TRHDE: variants seen among roughly 807,000 people sequenced by gnomAD.
The protein encoded by TRHDE is thyrotropin-releasing hormone-degrading ectoenzyme.
Under a neutral mutation model 125.7 loss-of-function variants are expected in TRHDE, and 72 were observed. The ratio of observed to expected loss-of-function variants is 0.57; its 90% CI spans 0.47 to 0.70. The LOEUF (loss-of-function observed/expected upper bound fraction) is 0.70. Ranked by LOEUF, TRHDE falls within the 30% of genes least tolerant of loss-of-function variation. TRHDE has a pLI of 0.00. For synonymous variants in TRHDE, 509 were observed against 509.1 expected, an observed-to-expected ratio of 1.00 and a Z score of 0.00; for missense variants, 1,110 against 1,327.1, an observed-to-expected ratio of 0.84 and a Z score of 2.54.
intron 2 of TRHDE, among the ~76,000 whole-genome samples, chr12:72,318,032 T>TA (rs2135706926): frequency 6.6e-6 from 1 of 152,272 alleles, no homozygotes; most frequent in African/African-American, 2.4e-5. Flanking sequence ...ATAAGAGAAT[T>TA]ATGACTAGAG....
chr12:72,178,911 C>T (rs1432785063), intron 2 of TRHDE, among the ~76,000 whole-genome samples: 1 of 152,024 alleles, frequency 6.6e-6, no homozygotes, highest in Non-Finnish European at 1.5e-5. Flanking sequence ...TCTGAGATTA[C>T]TTCTCATGAG....
At chr12:72,335,116 G>A in intron 2 of TRHDE, among the ~76,000 whole-genome samples, 1 of 152,112 alleles carries the variant, frequency 6.6e-6, no homozygotes, top group South Asian at 2.1e-4. Context: ...GGGTGACTAT[G>A]CCCTGCTTCT....
intron 6 of TRHDE, among the ~76,000 whole-genome samples, chr12:72,506,923 G>T (rs1490653294): frequency 6.6e-6 from 1 of 152,160 alleles, no homozygotes; most frequent in Non-Finnish European, 1.5e-5. Flanking sequence ...CTGGTGGGAG[G>T]TGATTGGATC....
At chr12:72,423,360 C>T (rs1323982767) in intron 3 of TRHDE, among the ~76,000 whole-genome samples, 1 of 152,178 alleles carries the variant, frequency 6.6e-6, no homozygotes, top group African/African-American at 2.4e-5. Context: ...TTACCTTCCT[C>T]TTTACATAGG....
intron 12 of TRHDE, among the ~76,000 whole-genome samples, chr12:72,578,099 C>A (rs11179259): frequency 0.27 from 40,476 of 151,872 alleles, 8,131 homozygotes; most frequent in African/African-American, 0.54. Context: ...ACACATCGTG[C>A]ACTCTTTGGC....
chr12:72,280,397 C>T (rs576656970), intron 1 of TRHDE, among the ~76,000 whole-genome samples: 1 of 152,260 alleles, frequency 6.6e-6, no homozygotes, highest in African/African-American at 2.4e-5. Context: ...GTAGGACCAA[C>T]GTTCTTGCTT....
At chr12:72,445,067 T>TC (rs1875210591) in intron 3 of TRHDE, among the ~76,000 whole-genome samples, 1 of 151,862 alleles carries the variant, frequency 6.6e-6, no homozygotes, top group African/African-American at 2.4e-5. Context: ...TTCTAAGACG[T>TC]CTTAACAAGT....
chr12:72,146,262 G>T (rs923693289), intron 2 of TRHDE, among the ~76,000 whole-genome samples: 1 of 152,106 alleles, frequency 6.6e-6, no homozygotes, highest in Non-Finnish European at 1.5e-5. Context: ...ATCCTTGTCC[G>T]TGTTTCCTCA....
chr12:72,211,050 G>C (rs947110970), intron 2 of TRHDE, among the ~76,000 whole-genome samples: 23 of 152,294 alleles, frequency 1.5e-4, no homozygotes, highest in African/African-American at 5.5e-4. Context: ...CCTGACTCCT[G>C]TATTTGTTTC....
intron 2 of TRHDE, among the ~76,000 whole-genome samples, chr12:72,205,332 GT>G (rs35613758): frequency 1.3e-3 from 174 of 138,620 alleles, no homozygotes; most frequent in Middle Eastern, 3.6e-3. Context: ...CCAAAGCACT[GT>G]TTTTTTTTTT....
intron 2 of TRHDE, among the ~76,000 whole-genome samples, chr12:72,356,799 T>G (rs1406544217): frequency 1.3e-5 from 2 of 151,358 alleles, no homozygotes; most frequent in Non-Finnish European, 3.0e-5. Flanking sequence ...GCAGGATAAG[T>G]AAAACAAAGC....
At chr12:72,391,389 T>C (rs2135791308) in intron 3 of TRHDE, among the ~76,000 whole-genome samples, 1 of 152,318 alleles carries the variant, frequency 6.6e-6, no homozygotes, top group South Asian at 2.1e-4. Flanking sequence ...AGGGCATCGC[T>C]GAAGCTTTTT....
At chr12:72,263,968 C>T (rs1879009976) in intron 2 of TRHDE, 1 of 151,952 alleles carries the variant, frequency 6.6e-6, no homozygotes, top group South Asian at 2.1e-4. Flanking sequence ...AACACTTACA[C>T]ATTCAAAGTG....
At chr12:72,444,081 CA>C (rs1296777894) in intron 3 of TRHDE, among the ~76,000 whole-genome samples, 1 of 151,738 alleles carries the variant, frequency 6.6e-6, no homozygotes, top group Non-Finnish European at 1.5e-5. Context: ...ATAAAGAAAC[CA>C]AAATGCCTTG....
chr12:72,501,684 T>C (rs1878161932), intron 6 of TRHDE, among the ~76,000 whole-genome samples: 1 of 152,086 alleles, frequency 6.6e-6, no homozygotes, highest in African/African-American at 2.4e-5. Flanking sequence ...TTGTTGTCAC[T>C]ATAGTGCTAG....
At chr12:72,321,264 G>T (rs1018727586) in intron 2 of TRHDE, among the ~76,000 whole-genome samples, 2 of 152,186 alleles carry the variant, frequency 1.3e-5, no homozygotes, top group Admixed American at 6.6e-5. Flanking sequence ...ATGCCCTGAA[G>T]AAGAGGCAGC....
chr12:72,098,582 T>C (rs1007672685), intron 1 of TRHDE, among the ~76,000 whole-genome samples: 2 of 152,198 alleles, frequency 1.3e-5, no homozygotes, highest in African/African-American at 2.4e-5. Flanking sequence ...CCAGTAGAAT[T>C]TGGTAAAAGT....
At chr12:72,238,119 A>G (rs966706761) in intron 2 of TRHDE, among the ~76,000 whole-genome samples, 1 of 151,054 alleles carries the variant, frequency 6.6e-6, no homozygotes, top group Non-Finnish European at 1.5e-5. Flanking sequence ...ACATGACTTG[A>G]CTTGTGTTTG....
At chr12:72,338,734 G>A (rs10506653) in intron 2 of TRHDE, among the ~76,000 whole-genome samples, 52,709 of 151,986 alleles carry the variant, frequency 0.35, 9,868 homozygotes, top group Non-Finnish European at 0.43. Context: ...TGCTTATGGT[G>A]ATGTAACTTA....
Sources: allele counts gnomAD v4.1 joint callset (sites outside exome capture counted in the v4.1 genomes callset), GRCh38; gene constraint gnomAD v4.1.1; transcripts MANE v1.5; gene names NCBI Gene and HGNC (gene_info 2026-07-23, HGNC 2026-07-21).